The following ABCB4 variants were observed in gnomAD, a reference collection of about 807,000 sequenced individuals.
ABCB4 encodes ATP binding cassette subfamily B member 4.
In ABCB4, 76 loss-of-function variants were observed where a neutral mutation model predicts 145.7. The ratio of observed to expected loss-of-function variants is 0.52; its 90% CI spans 0.43 to 0.63. The LOEUF (loss-of-function observed/expected upper bound fraction) is 0.63. Ranked by LOEUF, ABCB4 falls within the 30% of genes least tolerant of loss-of-function variation. The probability of loss-of-function intolerance (pLI) is 0.00; values close to 1 mark genes in which losing one functional copy is unlikely to be tolerated. For missense variants in ABCB4, 1,234 were observed against 1,553.1 expected (o/e 0.79, Z 3.45); for synonymous variants, 517 against 566.8 (o/e 0.91, Z 1.25).
downstream of ABCB4, chr7:87,399,937 C>T (rs1041448802): frequency 6.6e-6 from 1 of 152,146 alleles, no homozygotes; most frequent in Admixed American, 6.5e-5. Context: ...CTCATCTTGC[C>T]TGTGTTTATT....
Position 87,461,812 on chromosome 7 carries a change from C to T in ABCB4, c.286+946G>A, listed in dbSNP as rs551590645. Among the ~76,000 whole-genome samples, 18 of 152,276 alleles carry T rather than the reference C, an allele frequency of 1.2e-4. No individual in the cohort carries two copies. The South Asian group carries it at 2.3e-3, about 19-fold the overall frequency. On this transcript the variant is annotated intron_variant, in intron 4 of 27. Transcript: ENST00000649586. ...AATCCTATTCTCTTAGGAAATTACACGTAAGGCCTACAATAGTAACTAAAT... is the reference window on the plus strand; with the variant it reads ...AATCCTATTCTCTTAGGAAATTACATGTAAGGCCTACAATAGTAACTAAAT...
chr7:87,392,872 T>G, the ABCB4 span: 1 of 1,609,874 alleles, frequency 6.2e-7, no homozygotes, highest in Non-Finnish European at 8.5e-7. Context: ...TTCCTCTTTT[T>G]GTATATTAAA....
chr7:87,382,591 ATAT>A, the ABCB4 span: 1 of 1,549,418 alleles, frequency 6.5e-7, no homozygotes, highest in South Asian at 1.2e-5. Flanking sequence ...GTCCAAGGGT[ATAT>A]CTTTTTTTAT....
intron 20 of ABCB4, among the ~76,000 whole-genome samples, chr7:87,418,018 C>G (rs1809109382): frequency 6.6e-6 from 1 of 152,208 alleles, no homozygotes; most frequent in Non-Finnish European, 1.5e-5. Flanking sequence ...GCAGTCAGCT[C>G]TCTGCATCCA....
At chr7:87,395,515 A>G in the ABCB4 span, among the ~76,000 whole-genome samples, 1 of 152,190 alleles carries the variant, frequency 6.6e-6, no homozygotes, top group Non-Finnish European at 1.5e-5. Flanking sequence ...GGCCAACACT[A>G]CTGTTTTGTG....
chr7:87,440,070 G>T, intron 13 of ABCB4, 129 bp downstream of exon 13: 1 of 1,201,670 alleles, frequency 8.3e-7, no homozygotes, highest in East Asian at 2.5e-5. Context: ...GAGTCATTCA[G>T]GGGACTTATC....
the ABCB4 span, among the ~76,000 whole-genome samples, chr7:87,378,055 G>A: frequency 1.3e-5 from 2 of 151,934 alleles, no homozygotes; most frequent in Non-Finnish European, 2.9e-5. Context: ...TTTATAAAGG[G>A]GTTTGGGGCT....
At chr7:87,424,110 T>C (rs1809644466) in intron 16 of ABCB4, 58 bp from the exon 17 acceptor site, 1 of 1,611,822 alleles carries the variant, frequency 6.2e-7, no homozygotes, top group Admixed American at 1.7e-5. Flanking sequence ...CCAGAGTCTG[T>C]AGACATAGAA....
At chr7:87,433,390 C>T (rs1810374214) in intron 14 of ABCB4, among the ~76,000 whole-genome samples, 1 of 152,032 alleles carries the variant, frequency 6.6e-6, no homozygotes, top group African/African-American at 2.4e-5. Flanking sequence ...GGGTTTAGTC[C>T]ATATATAATA....
At chr7:87,462,623 C>T (rs773203160) in intron 4 of ABCB4, 135 bp downstream of exon 4, 2 of 805,776 alleles carry the variant, frequency 2.5e-6, no homozygotes, top group Non-Finnish European at 4.1e-6. Context: ...TTTACAACTC[C>T]TTCTATGATA....
At chr7:87,378,207 G>C in the ABCB4 span, among the ~76,000 whole-genome samples, 4 of 151,986 alleles carry the variant, frequency 2.6e-5, no homozygotes, top group African/African-American at 9.7e-5. Context: ...AGCCTCACAT[G>C]GTGTTGTGCG....
chr7:87,388,691 A>T, the ABCB4 span, among the ~76,000 whole-genome samples: 535 of 152,340 alleles, frequency 3.5e-3, no homozygotes, highest in Non-Finnish European at 5.7e-3. Flanking sequence ...AAACCTAGGC[A>T]ATATCATTCA....
chr7:87,378,190 A>G, the ABCB4 span, among the ~76,000 whole-genome samples: 8 of 151,976 alleles, frequency 5.3e-5, no homozygotes, highest in East Asian at 1.2e-3. Context: ...CAAAAAATAC[A>G]AAAATTAGCC....
the ABCB4 span, chr7:87,392,903 A>G: frequency 1.2e-6 from 2 of 1,612,024 alleles, no homozygotes; most frequent in Non-Finnish European, 1.7e-6. Context: ...AAACAATATA[A>G]GCATCTGTAG....
chr7:87,470,541 C>T (rs1418480156), intron 3 of ABCB4, among the ~76,000 whole-genome samples: 2 of 152,062 alleles, frequency 1.3e-5, no homozygotes, highest in African/African-American at 2.4e-5. Flanking sequence ...AACAACCCCA[C>T]CAACAAGTGG....
chr7:87,388,197 G>A, the ABCB4 span, among the ~76,000 whole-genome samples: 3 of 151,880 alleles, frequency 2.0e-5, no homozygotes, highest in Non-Finnish European at 4.4e-5. Flanking sequence ...TCTAACAGTT[G>A]CCCCAAGTAA....
chr7:87,467,827 A>C (rs188073459), intron 3 of ABCB4, among the ~76,000 whole-genome samples: 144 of 152,358 alleles, frequency 9.5e-4, no homozygotes, highest in South Asian at 1.7e-3. Flanking sequence ...GGCAGAAATA[A>C]AGATGTTCTT....
intron 14 of ABCB4, among the ~76,000 whole-genome samples, chr7:87,435,020 T>C (rs1810518256): frequency 6.6e-6 from 1 of 152,224 alleles, no homozygotes; most frequent in South Asian, 2.1e-4. Flanking sequence ...AAAAATATTA[T>C]TCTTCCAGGA....
chr7:87,392,915 C>A, the ABCB4 span: 1 of 1,612,682 alleles, frequency 6.2e-7, no homozygotes, highest in Non-Finnish European at 8.5e-7. Flanking sequence ...CATCTGTAGG[C>A]CTAGTAAAAT....
Sources: allele counts gnomAD v4.1 joint callset (sites outside exome capture counted in the v4.1 genomes callset), GRCh38; gene constraint gnomAD v4.1.1; transcripts MANE v1.5; gene names NCBI Gene and HGNC (gene_info 2026-07-23, HGNC 2026-07-21).